Variants in FARP1 observed in about 807,000 individuals in gnomAD.
The protein encoded by FARP1 is FERM, ARH/RhoGEF and pleckstrin domain protein 1, also known as FERM, ARHGEF and pleckstrin domain-containing protein 1.
A neutral mutation model predicts 128.8 loss-of-function variants in FARP1; 52 were observed. The ratio of observed to expected loss-of-function variants is 0.40; its 90% CI spans 0.32 to 0.51. The LOEUF (loss-of-function observed/expected upper bound fraction) is 0.51, where lower values mean the gene tolerates loss of function less well. Among genes scored for constraint, FARP1 ranks in the 20% least tolerant of loss-of-function variants. FARP1 has a pLI of 0.45. For synonymous variants in FARP1, 580 were observed against 551.8 expected (o/e 1.05, Z -0.72); for missense variants, 1,333 against 1,367.9 (o/e 0.97, Z 0.40).
At chr13:98,446,356 G>A (rs186191634) in intron 25 of FARP1, 151 bp downstream of exon 25, 40 of 616,408 alleles carry the variant, frequency 6.5e-5, no homozygotes, top group African/African-American at 2.8e-4. Flanking sequence ...CTGTCCACCC[G>A]AGGCCCTCAA....
At chr13:98,313,484 C>G (rs1886582437) in intron 2 of FARP1, among the ~76,000 whole-genome samples, 1 of 152,240 alleles carries the variant, frequency 6.6e-6, no homozygotes, top group African/African-American at 2.4e-5. Flanking sequence ...CCAGAACCTT[C>G]AGGAGGAACC....
intron 4 of FARP1, 123 bp from the exon 5 acceptor site, chr13:98,367,994 G>A: frequency 1.4e-6 from 1 of 692,580 alleles, no homozygotes; most frequent in Non-Finnish European, 2.4e-6. Context: ...CTTGGAAAAT[G>A]GCAGATGTGC....
chr13:98,390,106 A>G lies in FARP1; in HGVS notation c.1005A>G (p.Ser335=). 1.9e-6 allele frequency: 3 copies of G among 1,613,716 alleles called. No homozygotes were observed. The highest frequency in any genetic ancestry group is 2.5e-6 in the Non-Finnish European group (3 of 1,179,898). The change falls in exon 10 of 27, where the codon TCA becomes TCG. Residue 335 remains serine, a synonymous_variant. Coordinates refer to ENST00000319562, the MANE Select transcript of FARP1 (RefSeq NM_005766.4). ...KPKPVLFSRG[S]SFRFSGRTQK... ...AGCCCGTCCTCTTTAGCCGGGGGTC[A>G]TCATTTCGGTTCAGGTGAGGTCGCC...
intron 2 of FARP1, among the ~76,000 whole-genome samples, chr13:98,247,587 A>C (rs769211759): frequency 2.0e-5 from 3 of 152,194 alleles, no homozygotes; most frequent in Non-Finnish European, 4.4e-5. Context: ...ACGGAGAAGG[A>C]TACAACAGAC....
intron 8 of FARP1, among the ~76,000 whole-genome samples, chr13:98,386,811 A>G (rs1890115838): frequency 6.6e-6 from 1 of 152,228 alleles, no homozygotes; most frequent in Non-Finnish European, 1.5e-5. Context: ...TCTTTTATCA[A>G]AAGAGTTCCA....
In FARP1 at chr13:98,176,888, C is replaced by T. The variant is rs568468685; in HGVS notation, c.-24+33396C>T. On this transcript the variant is annotated intron_variant, in intron 1 of 26. Coordinates refer to ENST00000319562, the MANE Select transcript of FARP1 (RefSeq NM_005766.4). The surrounding 1 kb of genome is among the most constrained non-coding windows in gnomAD (Gnocchi z 6.2). ...GGCGTATGGTGCTCCTTCTCGGTGT[C>T]CTGCTCGAAGTCAGCGGTGGCCCCC... The T allele has an allele frequency of 6.2e-7, 1 of 1,606,714 alleles. No homozygotes were observed. Among genetic ancestry groups the T allele is most frequent in the Admixed American group, 1.7e-5 (1 of 60,020 alleles).
chr13:98,254,908 A>G (rs1883510809), intron 2 of FARP1, among the ~76,000 whole-genome samples: 2 of 152,044 alleles, frequency 1.3e-5, no homozygotes, highest in Non-Finnish European at 2.9e-5. Flanking sequence ...AAAGAAAAAG[A>G]CATATTTACT....
Position 98,448,943 on chromosome 13 carries a change from C to T in FARP1, c.*626C>T, listed in dbSNP as rs912497322. ...CCTGAAAACACCTGTTCCCAACCTA[C>T]TTCTTGGTGCAAGTTGACCAAATCG... is the stretch of plus-strand genomic sequence containing the variant. On this transcript the variant is annotated 3_prime_UTR_variant, in exon 27 of 27. Coordinates refer to ENST00000319562, the MANE Select transcript of FARP1 (RefSeq NM_005766.4). The T allele has an allele frequency of 3.9e-5, 6 of 152,262 alleles. No individual in the cohort carries two copies. Among genetic ancestry groups the T allele is most frequent in the African/African-American group, 1.4e-4 (6 of 41,452 alleles). The allele number at this position is 152,262 out of a possible 1,614,324, so 9.4% of individuals were successfully genotyped here.
At chr13:98,194,298 G>A (rs368493364) in intron 1 of FARP1, among the ~76,000 whole-genome samples, 101 of 152,108 alleles carry the variant, frequency 6.6e-4, no homozygotes, top group African/African-American at 2.2e-3. Flanking sequence ...TATTTAACTA[G>A]TAGAGACAGG....
At chr13:98,260,305 A>G (rs939131031) in intron 2 of FARP1, among the ~76,000 whole-genome samples, 6 of 152,214 alleles carry the variant, frequency 3.9e-5, no homozygotes, top group African/African-American at 1.2e-4. Flanking sequence ...AGTCTGTCTT[A>G]TATTTCAAGG....
intron 19 of FARP1, among the ~76,000 whole-genome samples, chr13:98,438,504 G>A (rs551765734): frequency 1.3e-5 from 2 of 152,228 alleles, no homozygotes; most frequent in East Asian, 1.9e-4. Context: ...GCTGCTGGTG[G>A]TACCTGCCCT....
In FARP1 at chr13:98,454,488, A is replaced by G. The variant is rs769218757; in HGVS notation, c.*6171A>G. The stretch of plus-strand genomic sequence containing the variant: ...TCTCTCCCAGAGAACAAATGGTTAC[A>G]TAAGGTCCTCCCAAAAGCACACATT... On this transcript the variant is annotated 3_prime_UTR_variant, in exon 27 of 27. Transcript: ENST00000319562. 1 of 152,212 alleles carries G rather than the reference A, an allele frequency of 6.6e-6. No individual in the cohort carries two copies. The allele number at this position is 152,212 out of a possible 1,614,324, so 9.4% of individuals were successfully genotyped here.
intron 3 of FARP1, among the ~76,000 whole-genome samples, chr13:98,358,941 CTTTT>C (rs1445499459): frequency 6.6e-6 from 1 of 152,172 alleles, no homozygotes; most frequent in African/African-American, 2.4e-5. Flanking sequence ...ACGGCTCTTT[CTTTT>C]TCTTTTAGGA....
intron 6 of FARP1, chr13:98,384,286 G>A (rs371543802): frequency 9.1e-5 from 15 of 164,362 alleles, no homozygotes; most frequent in South Asian, 5.1e-4. Flanking sequence ...TCCACCTCCC[G>A]GGTTCAAGCA....
At chr13:98,190,569 T>C (rs1208217903) in intron 1 of FARP1, among the ~76,000 whole-genome samples, 1 of 132,538 alleles carries the variant, frequency 7.5e-6, no homozygotes, top group East Asian at 1.4e-3. Context: ...TACTTATTTA[T>C]TATTATTTTT....
At chr13:98,370,122 G>T (rs1889263086) in intron 5 of FARP1, among the ~76,000 whole-genome samples, 1 of 152,224 alleles carries the variant, frequency 6.6e-6, no homozygotes, top group African/African-American at 2.4e-5. Context: ...GTGCCTGGGT[G>T]ATGACTTCAG....
chr13:98,143,844 C>G (rs1875280861), intron 1 of FARP1, among the ~76,000 whole-genome samples: 1 of 151,818 alleles, frequency 6.6e-6, no homozygotes, highest in Non-Finnish European at 1.5e-5. Flanking sequence ...CCTACCCGCC[C>G]GCTGACAGCG....
At chr13:98,227,840 G>A (rs927998386) in intron 2 of FARP1, among the ~76,000 whole-genome samples, 2 of 152,168 alleles carry the variant, frequency 1.3e-5, no homozygotes, top group Non-Finnish European at 2.9e-5. Flanking sequence ...TGAACCTTGA[G>A]AACATTATGC....
chr13:98,275,552 T>C (rs1884605868), intron 2 of FARP1, among the ~76,000 whole-genome samples: 1 of 151,688 alleles, frequency 6.6e-6, no homozygotes, highest in South Asian at 2.1e-4. Context: ...AGGGAGGAGA[T>C]TGGCAGAATA....
Sources: gnomAD v4.1 joint callset for allele counts (sites outside exome capture counted in the v4.1 genomes callset) on GRCh38, gnomAD v4.1.1 for gene constraint, Gnocchi (gnomAD v3.1) non-coding constraint, MANE v1.5 for transcripts, NCBI Gene and HGNC (gene_info 2026-07-23, HGNC 2026-07-21) for gene names.